The following ITGAV variants were observed in gnomAD, a reference collection of about 807,000 sequenced individuals.
ITGAV encodes integrin alpha-V.
A neutral mutation model predicts 143.8 loss-of-function variants in ITGAV; 76 were observed. The ratio of observed to expected loss-of-function variants is 0.53; its 90% confidence interval spans 0.44 to 0.64. The LOEUF (loss-of-function observed/expected upper bound fraction) is 0.64. Ranked by LOEUF, ITGAV falls within the 30% of genes least tolerant of loss-of-function variation. ITGAV has a pLI of 0.00. For missense variants in ITGAV, 1,193 were observed against 1,274.7 expected (o/e 0.94, Z 0.98); for synonymous variants, 453 against 446.7 (o/e 1.01, Z -0.18).
rs200014885 is a variant in ITGAV, at chr2:186,680,573, G to A, written c.*3281G>A. On this transcript the variant is annotated 3_prime_UTR_variant, in exon 30 of 30. Coordinates refer to ENST00000261023, the MANE Select transcript of ITGAV (RefSeq NM_002210.5). The stretch of plus-strand genomic sequence containing the variant: ...GTATTATTTTTGTTAGCAGGAAAGA[G>A]TGATTAAGTGAGGTTATTTACCCCT... The A allele has an allele frequency of 2.0e-5, 3 of 152,520 alleles. No homozygotes were observed. The highest frequency in any genetic ancestry group is 4.4e-5 in the Non-Finnish European group (3 of 67,968). The allele number at this position is 152,520 out of a possible 1,614,324, so 9.4% of individuals were successfully genotyped here. A position where few individuals can be genotyped will look rare whatever the true frequency, so the allele number is the denominator to read the frequency against.
intron 24 of ITGAV, among the ~76,000 whole-genome samples, chr2:186,668,209 TA>T (rs1688962577): frequency 2.8e-3 from 63 of 22,594 alleles, no homozygotes; most frequent in African/African-American, 3.9e-3. Context: ...TATATATATA[TA>T]TATATATTTT....
intron 1 of ITGAV, among the ~76,000 whole-genome samples, chr2:186,596,811 C>T (rs1406115415): frequency 1.3e-5 from 2 of 152,154 alleles, no homozygotes; most frequent in Non-Finnish European, 2.9e-5. Flanking sequence ...AAGACTTTAA[C>T]ATATGTCTAA....
intron 1 of ITGAV, among the ~76,000 whole-genome samples, chr2:186,591,510 TAAC>T (rs1036476541): frequency 6.6e-6 from 1 of 152,226 alleles, no homozygotes; most frequent in Non-Finnish European, 1.5e-5. Context: ...TTAGACCTTG[TAAC>T]AACATATTTT....
At chr2:186,633,521 G>T in intron 6 of ITGAV, 147 bp downstream of exon 6, 1 of 292,022 alleles carries the variant, frequency 3.4e-6, no homozygotes, top group South Asian at 1.2e-4. Context: ...TTTACACAGT[G>T]TTTTTTAAAA....
At chr2:186,628,162 GT>G (rs567440557) in intron 4 of ITGAV, among the ~76,000 whole-genome samples, 2 of 152,082 alleles carry the variant, frequency 1.3e-5, no homozygotes, top group African/African-American at 2.4e-5. Context: ...TAAATTCAGT[GT>G]TTTTTATCTG....
chr2:186,616,432 G>T (rs189887712), intron 2 of ITGAV, among the ~76,000 whole-genome samples: 1 of 151,324 alleles, frequency 6.6e-6, no homozygotes, highest in Non-Finnish European at 1.5e-5. Context: ...GCGCCCGCCA[G>T]CACGCCCGGC....
intron 12 of ITGAV, 65 bp from the exon 13 acceptor site, chr2:186,646,621 T>C: frequency 8.0e-7 from 1 of 1,244,224 alleles, no homozygotes; most frequent in Admixed American, 2.1e-5. Flanking sequence ...TCCTCATTCT[T>C]CCCTTTCTTT....
intron 2 of ITGAV, among the ~76,000 whole-genome samples, chr2:186,615,861 A>G (rs1256192963): frequency 6.6e-6 from 1 of 152,092 alleles, no homozygotes; most frequent in Admixed American, 6.5e-5. Context: ...GGTTTTCTAA[A>G]TCATTGCCTA....
intron 13 of ITGAV, among the ~76,000 whole-genome samples, chr2:186,648,869 ATTC>A (rs1688337192): frequency 6.6e-6 from 1 of 150,724 alleles, no homozygotes; most frequent in Non-Finnish European, 1.5e-5. Flanking sequence ...TATGAGGTTG[ATTC>A]TTAACTATAG....
At chr2:186,632,996 G>C (rs1463803017) in intron 5 of ITGAV, among the ~76,000 whole-genome samples, 1 of 151,544 alleles carries the variant, frequency 6.6e-6, no homozygotes, top group African/African-American at 2.4e-5. Flanking sequence ...TAGATAGATA[G>C]ATAGATACAT....
At position 186,677,250 on chromosome 2, in the gene ITGAV, G is replaced by C. The variant is rs1440704151; in HGVS notation, c.3105G>C (p.Gln1035His). ...RPPQEEQEREQLQPHENGEGN... is the reference protein window; with the variant it reads ...RPPQEEQEREHLQPHENGEGN... The stretch of plus-strand genomic sequence containing the variant: ...CTCAAGAAGAACAAGAAAGGGAGCA[G>C]CTTCAACCTCATGAAAATGGTGAAG... The change falls in exon 30 of 30, where the codon CAG becomes CAC. Residue 1035 changes from glutamine to histidine, a missense_variant. Coordinates refer to ENST00000261023, the MANE Select transcript of ITGAV (RefSeq NM_002210.5). 1.2e-6 allele frequency: 2 copies of C among 1,613,668 alleles called. No individual in the cohort carries two copies. Among genetic ancestry groups the C allele is most frequent in the African/African-American group, 2.7e-5 (2 of 74,894 alleles).
intron 29 of ITGAV, 114 bp from the exon 30 acceptor site, chr2:186,677,083 T>C (rs2887831): frequency 0.21 from 254,715 of 1,197,052 alleles, 28,144 homozygotes; most frequent in Non-Finnish European, 0.23. Flanking sequence ...TGAGGGAAGA[T>C]AAATTTTATG....
Position 186,633,495 on chromosome 2 carries a change from T to C in ITGAV, c.631+121T>C, listed in dbSNP as rs556555044. On this transcript the variant is annotated intron_variant, in intron 6 of 29. Transcript: ENST00000261023. ...GAAAGAAATGGAAATACAATTAAAG[T>C]ATATAAACACTCCATTTTACACAGT... is the stretch of plus-strand genomic sequence containing the variant. 52 of 446,946 alleles carry C rather than the reference T, an allele frequency of 1.2e-4. 1 individual carries two copies. The East Asian group carries it at 1.7e-3, about 15-fold the overall frequency. The allele number at this position is 446,946 out of a possible 1,614,324, so 27.7% of individuals were successfully genotyped here. A position where few individuals can be genotyped will look rare whatever the true frequency, so the allele number is the denominator to read the frequency against.
intron 14 of ITGAV, 97 bp downstream of exon 14, chr2:186,649,982 T>C: frequency 1.3e-6 from 1 of 770,276 alleles, no homozygotes; most frequent in Non-Finnish European, 2.0e-6. Context: ...TTAATTTTCT[T>C]GAAATAATGA....
In ITGAV at chr2:186,646,752, G is replaced by T. The variant is rs143468341; in HGVS notation, c.1226G>T (p.Arg409Ile). The T allele has an allele frequency of 1.2e-5, 19 of 1,611,518 alleles. No individual in the cohort carries two copies. In the Admixed American group the frequency reaches 2.0e-4, roughly 17 times the overall value. The change falls in exon 13 of 30, where the codon AGA becomes ATA. Residue 409 changes from arginine to isoleucine, a missense_variant. Transcript: ENST00000261023. Reference protein sequence around the residue: ...KKGIVYIFNGRSTGLNAVPSQ... With the variant: ...KKGIVYIFNGISTGLNAVPSQ... ...GGAATTGTTTATATCTTCAATGGAAGATCAACAGGCTTGAACGCAGTCCCA... is the reference window on the plus strand; with the variant it reads ...GGAATTGTTTATATCTTCAATGGAATATCAACAGGCTTGAACGCAGTCCCA...
intron 6 of ITGAV, among the ~76,000 whole-genome samples, chr2:186,633,744 A>G (rs1687879386): frequency 1.3e-5 from 2 of 152,154 alleles, no homozygotes; most frequent in African/African-American, 4.8e-5. Context: ...CAATCTGTAT[A>G]GGCCAACTGT....
chr2:186,664,981 A>G (rs1451690213), intron 20 of ITGAV, 145 bp from the exon 21 acceptor site: 4 of 623,936 alleles, frequency 6.4e-6, no homozygotes, highest in South Asian at 2.0e-5. Context: ...CCATGTGGCA[A>G]TTGTACCCAA....
chr2:186,635,980 T>A (rs1687935955), intron 6 of ITGAV, 102 bp from the exon 7 acceptor site: 1 of 883,044 alleles, frequency 1.1e-6, no homozygotes, highest in Non-Finnish European at 1.7e-6. Context: ...TTAGAAGTAC[T>A]AATATCTAAT....
At chr2:186,667,095 A>C in intron 22 of ITGAV, 55 bp from the exon 23 acceptor site, 2 of 1,347,252 alleles carry the variant, frequency 1.5e-6, no homozygotes, top group Non-Finnish European at 2.1e-6. Context: ...TTGCCTCTGT[A>C]TGTTCTTGGT....
Sources: gnomAD v4.1 joint callset for allele counts (sites outside exome capture counted in the v4.1 genomes callset) on GRCh38, gnomAD v4.1.1 for gene constraint, MANE v1.5 for transcripts, NCBI Gene and HGNC (gene_info 2026-07-23, HGNC 2026-07-21) for gene names.